Variants in STAT5B observed in about 807,000 individuals in gnomAD.
The protein encoded by STAT5B is signal transducer and activator of transcription 5B, also known as transcription factor STAT5B.
Under a neutral mutation model 107.8 loss-of-function variants are expected in STAT5B, and 21 were observed. That is an observed-to-expected ratio of 0.19 (90% confidence interval 0.14 to 0.28). The LOEUF is 0.28. STAT5B is among the 10% of genes least tolerant of loss of function. The probability of loss-of-function intolerance (pLI) is 1.00; values close to 1 mark genes in which losing one functional copy is unlikely to be tolerated. For synonymous variants in STAT5B, 325 were observed against 401.7 expected, an observed-to-expected ratio of 0.81 and a Z score of 2.28; for missense variants, 565 against 1,008.2, an observed-to-expected ratio of 0.56 and a Z score of 5.95.
intron 1 of STAT5B, among the ~76,000 whole-genome samples, chr17:42,256,250 C>T (rs2080543175): frequency 6.6e-6 from 1 of 151,960 alleles, no homozygotes; most frequent in African/African-American, 2.4e-5. Flanking sequence ...CTCCCCCATC[C>T]CCCCAACTTT....
chr17:42,207,394 A>G (rs1002558710), intron 16 of STAT5B, among the ~76,000 whole-genome samples, 164 bp downstream of exon 16: 1 of 151,984 alleles, frequency 6.6e-6, no homozygotes, highest in South Asian at 2.1e-4. Flanking sequence ...ATCCAGCCCA[A>G]GGTTTACATC....
chr17:42,240,708 A>AT (rs1361830845), intron 1 of STAT5B, among the ~76,000 whole-genome samples: 1 of 152,218 alleles, frequency 6.6e-6, no homozygotes, highest in Non-Finnish European at 1.5e-5. Context: ...AAGGGGTACT[A>AT]TCTGGGCTGG....
At chr17:42,250,754 C>T (rs1192331048) in intron 1 of STAT5B, among the ~76,000 whole-genome samples, 2 of 151,886 alleles carry the variant, frequency 1.3e-5, no homozygotes, top group Non-Finnish European at 2.9e-5. Flanking sequence ...GAAACCCCAT[C>T]TCTACTAAAA....
intron 12 of STAT5B, among the ~76,000 whole-genome samples, chr17:42,215,540 T>A (rs533625304): frequency 6.6e-6 from 1 of 152,310 alleles, no homozygotes; most frequent in South Asian, 2.1e-4. Context: ...CCTGGCCCGA[T>A]GTCAAGCCCA....
At chr17:42,250,155 A>G (rs2080486370) in intron 1 of STAT5B, among the ~76,000 whole-genome samples, 1 of 152,190 alleles carries the variant, frequency 6.6e-6, no homozygotes, top group Non-Finnish European at 1.5e-5. Flanking sequence ...AGAAAATGTT[A>G]CGAGCTCCTA....
At chr17:42,207,940 G>A (rs1267723230) in intron 15 of STAT5B, among the ~76,000 whole-genome samples, 2 of 152,134 alleles carry the variant, frequency 1.3e-5, no homozygotes, top group Non-Finnish European at 2.9e-5. Flanking sequence ...CTGTTACCAG[G>A]TTGGAGTGCA....
chr17:42,212,704 T>C (rs931739167), intron 12 of STAT5B, among the ~76,000 whole-genome samples: 15 of 152,270 alleles, frequency 9.9e-5, no homozygotes, highest in African/African-American at 3.6e-4. Flanking sequence ...GATGGCTTTA[T>C]TGAGAAATAG....
chr17:42,263,001 TATATATATATATATAAA>T (rs1567677407), intron 1 of STAT5B, among the ~76,000 whole-genome samples: 12 of 56,886 alleles, frequency 2.1e-4, no homozygotes, highest in African/African-American at 2.9e-4. Flanking sequence ...TATATATATA[TATATATATATATATAAA>T]AAAACAAAAA....
At chr17:42,202,708 G>C in intron 17 of STAT5B, 49 bp downstream of exon 17, 1 of 1,612,640 alleles carries the variant, frequency 6.2e-7, no homozygotes, top group South Asian at 1.1e-5. Context: ...CAGGGTCTGG[G>C]GGAGGAGGAA....
At chr17:42,220,120 G>T (rs541486466) in intron 5 of STAT5B, among the ~76,000 whole-genome samples, 2 of 152,174 alleles carry the variant, frequency 1.3e-5, no homozygotes, top group Admixed American at 6.5e-5. Flanking sequence ...CCTCCTGCCC[G>T]CCTGCCTCAC....
Position 42,224,792 on chromosome 17 carries a change from C to A in STAT5B, c.362G>T (p.Arg121Leu), listed in dbSNP as rs758843144. 2 of 1,613,830 alleles carry A rather than the reference C, an allele frequency of 1.2e-6. No homozygotes were observed. The highest frequency in any genetic ancestry group is 1.7e-6 in the Non-Finnish European group (2 of 1,179,830). ...HILYNEQRLV[R>L]EANNGSSPAG... The stretch of plus-strand genomic sequence containing the variant: ...TGGGACACTCACATTGTTGGCTTCT[C>A]GGACCAACCTCTGTTCATTGTACAA... Residue 121 changes from arginine (R) to leucine (L), a missense_variant, in exon 4 of 19, where the codon CGA becomes CTA. Arg to Leu is a moderately radical substitution (Grantham distance 102). Transcript: ENST00000293328.
In STAT5B at chr17:42,276,345, G is replaced by A. The variant is rs1424421410; in HGVS notation, c.-108C>T. 1 of 146,894 alleles carries A rather than the reference G, an allele frequency of 6.8e-6. No individual in the cohort carries two copies. The highest frequency in any genetic ancestry group is 2.0e-4 in the East Asian group (1 of 5,082). The allele number at this position is 146,894 out of a possible 1,614,324, so 9.1% of individuals were successfully genotyped here. A position where few individuals can be genotyped will look rare whatever the true frequency, so the allele number is the denominator to read the frequency against. On this transcript the variant is annotated 5_prime_UTR_variant, in exon 1 of 19. Coordinates refer to ENST00000293328, the MANE Select transcript of STAT5B (RefSeq NM_012448.4). This position sits in a 1 kb window ranked among gnomAD's most constrained non-coding sequence, Gnocchi z 4.8. ...CCTCCCTCGGCCGGGCCGCCGCGCG[G>A]AGTTGCCTGCGCTGGGTCCCCGCCC...
intron 5 of STAT5B, among the ~76,000 whole-genome samples, chr17:42,221,976 G>T (rs1180883417): frequency 6.9e-6 from 1 of 145,322 alleles, no homozygotes; most frequent in African/African-American, 2.6e-5. Flanking sequence ...TGTGTGGTGT[G>T]TGTGTGCTGT....
Position 42,199,947 on chromosome 17 carries a change from A to C in STAT5B, c.*1791T>G, listed in dbSNP as rs1386928684. On this transcript the variant is annotated 3_prime_UTR_variant, in exon 19 of 19. Coordinates refer to ENST00000293328, the MANE Select transcript of STAT5B (RefSeq NM_012448.4). ...TACGAGCCTGGATCCCTGAGCAGGC[A>C]GGCTCTCCTTCTCACCCTTCCCCGA... 6.6e-6 allele frequency: 1 copy of C among 152,426 alleles called. No individual in the cohort carries two copies. The highest frequency in any genetic ancestry group is 2.4e-5 in the African/African-American group (1 of 41,464). The allele number at this position is 152,426 out of a possible 1,614,324, so 9.4% of individuals were successfully genotyped here. A position where few individuals can be genotyped will look rare whatever the true frequency, so the allele number is the denominator to read the frequency against.
chr17:42,286,669 G>T, the STAT5B span, among the ~76,000 whole-genome samples: 417 of 152,290 alleles, frequency 2.7e-3, 2 homozygotes, highest in African/African-American at 9.9e-3. Context: ...GCATGGCAAG[G>T]GTGGCCCTCT....
intron 1 of STAT5B, among the ~76,000 whole-genome samples, chr17:42,270,224 T>G (rs1051869370): frequency 6.6e-6 from 1 of 152,026 alleles, no homozygotes; most frequent in African/African-American, 2.4e-5. Context: ...ATAATAATAA[T>G]AAATTAGCCC....
intron 5 of STAT5B, 74 bp from the exon 6 acceptor site, chr17:42,219,916 C>A: frequency 6.2e-7 from 1 of 1,609,666 alleles, no homozygotes. Context: ...GCCCACTCAC[C>A]CGTTCTGGAG....
intron 1 of STAT5B, among the ~76,000 whole-genome samples, chr17:42,244,686 A>G (rs1228768709): frequency 6.6e-6 from 1 of 152,100 alleles, no homozygotes; most frequent in Admixed American, 6.6e-5. Context: ...TTTAGTTTCT[A>G]CCTAGCAAAA....
chr17:42,209,041 TTTTTC>T lies in STAT5B; in HGVS notation c.1906+1125_1906+1129del, dbSNP rs2080108278. 2.7e-5 allele frequency among the ~76,000 whole-genome samples: 4 copies of T among 149,244 alleles called. 1 individual carries two copies. In the South Asian group the frequency reaches 8.5e-4, roughly 32 times the overall value. ...AGCCACCGCACCCAGCCTTTTTTTTTTTTTCTTTTAAGAGACAGGGTCTTACTCTG... is the reference window on the plus strand; with the variant it reads ...AGCCACCGCACCCAGCCTTTTTTTTTTTTTAAGAGACAGGGTCTTACTCTG... On this transcript the variant is annotated intron_variant, in intron 15 of 18. Coordinates refer to ENST00000293328, the MANE Select transcript of STAT5B (RefSeq NM_012448.4).
Sources: allele counts gnomAD v4.1 joint callset (sites outside exome capture counted in the v4.1 genomes callset), GRCh38; gene constraint gnomAD v4.1.1; non-coding constraint Gnocchi (gnomAD v3.1); transcripts MANE v1.5; gene names NCBI Gene and HGNC (gene_info 2026-07-23, HGNC 2026-07-21).